The following ZNF571 variants were observed in gnomAD, a reference collection of about 807,000 sequenced individuals.
ZNF571 encodes zinc finger protein 571.
In ZNF571, 4 loss-of-function variants were observed where a neutral mutation model predicts 7.7. The observed-to-expected ratio is 0.52, with a 90% CI of 0.25 to 1.18. The LOEUF is 1.18. Among genes scored for constraint, ZNF571 ranks in the 50% most tolerant of loss-of-function variants. ZNF571 has a pLI of 0.14. For missense variants in ZNF571, 704 were observed against 726.9 expected (o/e 0.97, Z 0.36); for synonymous variants, 251 against 232.4 (o/e 1.08, Z -0.73).
At chr19:37,594,437 C>T (rs1033864165) in intron 1 of ZNF571, 3 of 152,336 alleles carry the variant, frequency 2.0e-5, no homozygotes, top group Non-Finnish European at 4.4e-5. Context: ...CCTCCCTATC[C>T]CAAAGTTATG....
intron 3 of ZNF571, among the ~76,000 whole-genome samples, chr19:37,571,989 C>T (rs557522458): frequency 6.6e-6 from 1 of 152,110 alleles, no homozygotes; most frequent in East Asian, 1.9e-4. Flanking sequence ...CTAATTTTAC[C>T]ATTATCCAAA....
chr19:37,582,257 G>T (rs2147193718), intron 3 of ZNF571, among the ~76,000 whole-genome samples: 1 of 152,130 alleles, frequency 6.6e-6, no homozygotes, highest in African/African-American at 2.4e-5. Flanking sequence ...CCTTGTCAGG[G>T]TCACCAACAC....
rs1366852293 is a variant in ZNF571, at chr19:37,569,291, A to T, written c.137-3000T>A. 6.6e-6 allele frequency among the ~76,000 whole-genome samples: 1 copy of T among 152,088 alleles called. No homozygotes were observed. Among genetic ancestry groups the T allele is most frequent in the Non-Finnish European group, 1.5e-5 (1 of 68,016 alleles). On this transcript the variant is annotated intron_variant, in intron 3 of 3. Coordinates refer to ENST00000451802, the MANE Select transcript of ZNF571 (RefSeq NM_016536.5). This position sits in a 1 kb window ranked among gnomAD's most constrained non-coding sequence, Gnocchi z 4.4. The stretch of plus-strand genomic sequence containing the variant: ...AACCACAACAAAAACCTACTCAGTA[A>T]TGTTATGAGACCCTTTGTTCTAATC...
intron 1 of ZNF571, chr19:37,587,009 C>G (rs1253302713): frequency 3.3e-6 from 1 of 305,088 alleles, no homozygotes; most frequent in Non-Finnish European, 6.0e-6. Flanking sequence ...GGGAGCCCCC[C>G]ACCATCCTCC....
In ZNF571 at chr19:37,566,054, G is replaced by C; in HGVS notation, c.374C>G (p.Ser125Cys). ...EEKATESHST[S>C]STFHRIIPTK... is the part of the protein sequence containing the mutation. ...AGGAATTATCCGATGAAAAGTAGAA[G>C]AGGTTGAATGACTTTCAGTGGCCTT... The change falls in exon 4 of 4, where the codon TCT becomes TGT. Residue 125 changes from serine (S) to cysteine (C), a missense_variant. By Grantham distance (112) the Ser-to-Cys change is moderately radical. Transcript: ENST00000451802. 1 of 1,614,074 alleles carries C rather than the reference G, an allele frequency of 6.2e-7. No homozygotes were observed. Among genetic ancestry groups the C allele is most frequent in the Non-Finnish European group, 8.5e-7 (1 of 1,179,954 alleles).
In ZNF571 at chr19:37,584,195, C is replaced by G. The variant is rs772249411; in HGVS notation, c.10-98G>C. The G allele has an allele frequency of 2.0e-5, 31 of 1,564,200 alleles. 1 individual carries two copies. The highest frequency in any genetic ancestry group is 3.4e-4 in the Middle Eastern group (2 of 5,884). On this transcript the variant is annotated intron_variant, in intron 2 of 3. Coordinates refer to ENST00000451802, the MANE Select transcript of ZNF571 (RefSeq NM_016536.5). ...AGGTAATTGAAGGAAGCAAGTAACA[C>G]AAAACAACAGGAAATTGGTTGCCTA... is the stretch of plus-strand genomic sequence containing the variant.
chr19:37,565,747 T>C lies in ZNF571; in HGVS notation c.681A>G (p.Ala227=). 6.2e-7 allele frequency: 1 copy of C among 1,613,888 alleles called. No individual in the cohort carries two copies. Among genetic ancestry groups the C allele is most frequent in the Non-Finnish European group, 8.5e-7 (1 of 1,179,926 alleles). Reference sequence around the variant, plus strand: ...AACCACGAATAAAAGCTTTCCCACATGCGTTACACTGATAAGGTTTTTCAT... The same window carrying C: ...AACCACGAATAAAAGCTTTCCCACACGCGTTACACTGATAAGGTTTTTCAT... ...HTNEKPYQCN[A]CGKAFIRGSQ... The change falls in exon 4 of 4, where the codon GCA becomes GCG. Residue 227 remains alanine (A), a synonymous_variant. Transcript: ENST00000451802.
intron 3 of ZNF571, among the ~76,000 whole-genome samples, chr19:37,578,596 G>A (rs1399516201): frequency 6.6e-6 from 1 of 152,152 alleles, no homozygotes; most frequent in South Asian, 2.1e-4. Flanking sequence ...GCTGAGGGGC[G>A]GTCAGAATGC....
chr19:37,582,117 A>G (rs779275277), intron 3 of ZNF571, among the ~76,000 whole-genome samples: 6 of 152,184 alleles, frequency 3.9e-5, no homozygotes, highest in Non-Finnish European at 7.3e-5. Flanking sequence ...GGTTCCTCAA[A>G]TGGGCCTTCA....
intron 3 of ZNF571, chr19:37,567,600 A>G (rs1182787006): frequency 6.6e-6 from 1 of 152,180 alleles, no homozygotes; most frequent in Non-Finnish European, 1.5e-5. Context: ...GAACATGTCA[A>G]ATTCTTTCCC....
chr19:37,569,531 C>T lies in ZNF571; in HGVS notation c.137-3240G>A, dbSNP rs1046412577. 2.0e-5 allele frequency among the ~76,000 whole-genome samples: 3 copies of T among 152,094 alleles called. No individual in the cohort carries two copies. Among genetic ancestry groups the T allele is most frequent in the African/African-American group, 7.2e-5 (3 of 41,406 alleles). ...TAAAACAAGGATGTCATAAAATTATCTTTGCTATATGTATTATATATTCAT... is the reference window on the plus strand; with the variant it reads ...TAAAACAAGGATGTCATAAAATTATTTTTGCTATATGTATTATATATTCAT... On this transcript the variant is annotated intron_variant, in intron 3 of 3. Transcript: ENST00000451802. This position sits in a 1 kb window ranked among gnomAD's most constrained non-coding sequence, Gnocchi z 4.4.
At position 37,564,722 on chromosome 19, in the gene ZNF571, C is replaced by T. The variant is rs191407797; in HGVS notation, c.1706G>A (p.Arg569His). Reference sequence around the variant, plus strand: ...TTGATGCAGAGTAAGTTCTGAGCCACGACTAAAGGCCCTCCCACATTCCTT... The same window carrying T: ...TTGATGCAGAGTAAGTTCTGAGCCATGACTAAAGGCCCTCCCACATTCCTT... ...ECKECGRAFS[R>H]GSELTLHQRI... is the part of the protein sequence containing the mutation. The change falls in exon 4 of 4, where the codon CGT becomes CAT. Residue 569 changes from arginine (R) to histidine (H), a missense_variant. Transcript: ENST00000451802. The T allele has an allele frequency of 5.9e-5, 96 of 1,613,576 alleles. No individual in the cohort carries two copies. The highest frequency in any genetic ancestry group is 1.3e-4 in the East Asian group (6 of 44,870).
intron 3 of ZNF571, among the ~76,000 whole-genome samples, chr19:37,574,231 C>T (rs925194581): frequency 4.6e-5 from 7 of 152,058 alleles, no homozygotes; most frequent in African/African-American, 1.7e-4. Context: ...TTATTAAAAC[C>T]GCAACGTATG....
At chr19:37,589,200 C>CAAAAAAAAAAA (rs35689698) in intron 1 of ZNF571, among the ~76,000 whole-genome samples, 1 of 108,894 alleles carries the variant, frequency 9.2e-6, no homozygotes, top group Non-Finnish European at 1.8e-5. Flanking sequence ...AACTCCGTCT[C>CAAAAAAAAAAA]AAAAAAAAAA....
chr19:37,566,127 C>T lies in ZNF571; in HGVS notation c.301G>A (p.Ala101Thr), dbSNP rs2042849330. Reference sequence around the variant, plus strand: ...CACATGTAAAGCCCTTCCTGACTTGCTTCTTGACCCTCTAAGTTGCCTTTG... The same window carrying T: ...CACATGTAAAGCCCTTCCTGACTTGTTTCTTGACCCTCTAAGTTGCCTTTG... ...ECKGNLEGQE[A>T]SQEGLYMCVK... The change falls in exon 4 of 4, where the codon GCA becomes ACA. Residue 101 changes from alanine to threonine, a missense_variant. Transcript: ENST00000451802. 1.2e-6 allele frequency: 2 copies of T among 1,614,056 alleles called. No individual in the cohort carries two copies. The highest frequency in any genetic ancestry group is 1.7e-6 in the Non-Finnish European group (2 of 1,179,930).
At chr19:37,580,280 A>G (rs769437122) in intron 3 of ZNF571, among the ~76,000 whole-genome samples, 45 of 152,378 alleles carry the variant, frequency 3.0e-4, no homozygotes, top group Non-Finnish European at 5.0e-4. Flanking sequence ...CATGATATAT[A>G]CTGTGCTACA....
Position 37,566,288 on chromosome 19 carries a change from A to C in ZNF571, c.140T>G (p.Leu47Trp), listed in dbSNP as rs753749082. The C allele has an allele frequency of 9.4e-6, 15 of 1,594,386 alleles. No individual in the cohort carries two copies. The highest frequency in any genetic ancestry group is 1.1e-5 in the Non-Finnish European group (13 of 1,171,332). ...CTTTTTGGTCACACAACTGGATTCC[A>C]AGTCTGTAGAATAAAAAGAAAGCAA... ...ENYSNLISLD[L>W]ESSCVTKKLS... is the part of the protein sequence containing the mutation. The change falls in exon 4 of 4, where the codon TTG (leucine) becomes TGG (tryptophan). Residue 47 changes from leucine (L) to tryptophan (W), a missense_variant. Transcript: ENST00000451802.
intron 1 of ZNF571, among the ~76,000 whole-genome samples, chr19:37,590,730 C>T (rs1431705726): frequency 6.6e-6 from 1 of 152,070 alleles, no homozygotes; most frequent in Non-Finnish European, 1.5e-5. Context: ...ATTTTTGCAA[C>T]TTCTCTGTAA....
At chr19:37,590,732 T>C (rs147716055) in intron 1 of ZNF571, among the ~76,000 whole-genome samples, 5 of 152,256 alleles carry the variant, frequency 3.3e-5, no homozygotes, top group African/African-American at 1.2e-4. Context: ...TTTTGCAACT[T>C]CTCTGTAAGT....
Sources: allele counts gnomAD v4.1 joint callset (sites outside exome capture counted in the v4.1 genomes callset), GRCh38; gene constraint gnomAD v4.1.1; non-coding constraint Gnocchi (gnomAD v3.1); transcripts MANE v1.5; gene names NCBI Gene and HGNC (gene_info 2026-07-23, HGNC 2026-07-21).